The following LMX1B variants were observed in gnomAD, a reference collection of about 807,000 sequenced individuals.
The protein encoded by LMX1B is LIM homeobox transcription factor 1-beta.
A neutral mutation model predicts 51.4 loss-of-function variants in LMX1B; 12 were observed. That is an observed-to-expected ratio of 0.23 (90% CI 0.15 to 0.38). LMX1B has a LOEUF of 0.38. Among genes scored for constraint, LMX1B ranks in the 10% least tolerant of loss-of-function variants. The pLI, the probability that LMX1B is intolerant of heterozygous loss-of-function variation, is 1.00. For synonymous variants in LMX1B, 237 were observed against 235.4 expected (o/e 1.01, Z -0.06); for missense variants, 445 against 571.1 (o/e 0.78, Z 2.25).
intron 2 of LMX1B, among the ~76,000 whole-genome samples, chr9:126,676,144 C>T (rs1363306345): frequency 6.6e-6 from 1 of 152,188 alleles, no homozygotes; most frequent in Non-Finnish European, 1.5e-5. Context: ...GCTCCAGGCA[C>T]CCGCCCTTCC....
intron 2 of LMX1B, chr9:126,640,960 T>C (rs561512838): frequency 1.3e-5 from 2 of 152,432 alleles, no homozygotes; most frequent in East Asian, 3.9e-4. Flanking sequence ...GCAATTGTTC[T>C]GGACTTTCTA....
At chr9:126,643,153 G>A (rs1393746287) in intron 2 of LMX1B, among the ~76,000 whole-genome samples, 1 of 152,184 alleles carries the variant, frequency 6.6e-6, no homozygotes, top group African/African-American at 2.4e-5. Flanking sequence ...TGCACAGCTG[G>A]GGGCTAGGGG....
At chr9:126,656,369 G>A (rs1256179259) in intron 2 of LMX1B, among the ~76,000 whole-genome samples, 1 of 150,920 alleles carries the variant, frequency 6.6e-6, no homozygotes. Context: ...GGGCAACATA[G>A]TGAGATCTGG....
In LMX1B at chr9:126,696,016, A is replaced by ACCT; in HGVS notation, c.1051+15_1051+16insTCC. Reference sequence around the variant, plus strand: ...ATGAACCCCTATGGTAAGCCGCCCTACCCCCACCCGCCCGCCCCAGCACAG... The same window carrying ACCT: ...ATGAACCCCTATGGTAAGCCGCCCTACCTCCCCCACCCGCCCGCCCCAGCACAG... On this transcript the variant is annotated intron_variant, in intron 7 of 7. Coordinates refer to ENST00000373474, the MANE Select transcript of LMX1B (RefSeq NM_001174147.2). 2 of 1,512,700 alleles carry ACCT rather than the reference A, an allele frequency of 1.3e-6. No homozygotes were observed. The highest frequency in any genetic ancestry group is 1.8e-6 in the Non-Finnish European group (2 of 1,131,794). The allele number at this position is 1,512,700 out of a possible 1,614,324, so 93.7% of individuals were successfully genotyped here. A position where few individuals can be genotyped will look rare whatever the true frequency, so the allele number is the denominator to read the frequency against.
chr9:126,639,307 C>G (rs1181521372), intron 2 of LMX1B, among the ~76,000 whole-genome samples: 1 of 152,092 alleles, frequency 6.6e-6, no homozygotes, highest in African/African-American at 2.4e-5. Context: ...GGCCGGTCCC[C>G]GAGGGCTCGG....
In LMX1B at chr9:126,671,973, T is replaced by A. The variant is rs1432291633; in HGVS notation, c.327-18863T>A. Among the ~76,000 whole-genome samples the A allele has an allele frequency of 2.0e-5, 3 of 152,242 alleles. No homozygotes were observed. Among genetic ancestry groups the A allele is most frequent in the Admixed American group, 2.0e-4 (3 of 15,290 alleles). ...TCATCTTCCTTATTAAAAACCAGCC[T>A]TGATGCTCCCGAGCCCCAGCTGTGG... On this transcript the variant is annotated intron_variant, in intron 2 of 7. Coordinates refer to ENST00000373474, the MANE Select transcript of LMX1B (RefSeq NM_001174147.2). The surrounding 1 kb of genome is among the most constrained non-coding windows in gnomAD (Gnocchi z 4.4).
chr9:126,693,923 C>T (rs1482235273), intron 6 of LMX1B, 111 bp downstream of exon 6: 4 of 643,626 alleles, frequency 6.2e-6, no homozygotes, highest in South Asian at 1.8e-5. Context: ...TGAGCCTGGG[C>T]CAGGGCTGGG....
At position 126,661,518 on chromosome 9, in the gene LMX1B, G is replaced by A. The variant is rs1023005163; in HGVS notation, c.327-29318G>A. 7.2e-5 allele frequency among the ~76,000 whole-genome samples: 11 copies of A among 152,188 alleles called. No homozygotes were observed. The East Asian group carries it at 1.7e-3, about 24-fold the overall frequency. On this transcript the variant is annotated intron_variant, in intron 2 of 7. Coordinates refer to ENST00000373474, the MANE Select transcript of LMX1B (RefSeq NM_001174147.2). The stretch of plus-strand genomic sequence containing the variant: ...TCTGTTTGTGGGGCAGCAGGAGCAG[G>A]TTTAATGGGCCAGCCCCGGAGGCCA...
chr9:126,664,919 T>C (rs1483958619), intron 2 of LMX1B, among the ~76,000 whole-genome samples: 1 of 152,190 alleles, frequency 6.6e-6, no homozygotes, highest in African/African-American at 2.4e-5. Flanking sequence ...TTCCTGACCT[T>C]GACCAAAGTA....
Position 126,641,164 on chromosome 9 carries a change from GTCTGTGCAGGC to G in LMX1B, c.326+25598_326+25608del, listed in dbSNP as rs1248617313. The G allele has an allele frequency of 6.6e-6, 1 of 152,318 alleles. No homozygotes were observed. The highest frequency in any genetic ancestry group is 1.5e-5 in the Non-Finnish European group (1 of 68,110). 9.4% of individuals were successfully genotyped at this position (152,318 alleles called of 1,614,324 possible). On this transcript the variant is annotated intron_variant, in intron 2 of 7. Coordinates refer to ENST00000373474, the MANE Select transcript of LMX1B (RefSeq NM_001174147.2). The surrounding 1 kb of genome is among the most constrained non-coding windows in gnomAD (Gnocchi z 4.1). ...AAACAGCCTTGGGCCTTCTGGGGAG[GTCTGTGCAGGC>G]TCCTCTGGCCTGTAGGCCCCGAGTT... is the stretch of plus-strand genomic sequence containing the variant.
At chr9:126,616,018 G>A (rs546761076) in intron 2 of LMX1B, among the ~76,000 whole-genome samples, 16 of 152,338 alleles carry the variant, frequency 1.1e-4, no homozygotes, top group African/African-American at 3.6e-4. Flanking sequence ...GTGGAGTGCT[G>A]GGACACTGAA....
chr9:126,670,455 G>T (rs138998310), intron 2 of LMX1B, among the ~76,000 whole-genome samples: 298 of 152,360 alleles, frequency 2.0e-3, no homozygotes, highest in African/African-American at 6.9e-3. Flanking sequence ...TATGGGTGCA[G>T]ACGCGCTCAG....
chr9:126,615,627 C>A lies in LMX1B; in HGVS notation c.326+58C>A, dbSNP rs369330624. The A allele has an allele frequency of 4.7e-6, 7 of 1,490,050 alleles. No homozygotes were observed. In the East Asian group the frequency reaches 1.8e-4, roughly 38 times the overall value. The allele number at this position is 1,490,050 out of a possible 1,614,324, so 92.3% of individuals were successfully genotyped here. A position where few individuals can be genotyped will look rare whatever the true frequency, so the allele number is the denominator to read the frequency against. On this transcript the variant is annotated intron_variant, in intron 2 of 7. Coordinates refer to ENST00000373474, the MANE Select transcript of LMX1B (RefSeq NM_001174147.2). The surrounding 1 kb of genome is among the most constrained non-coding windows in gnomAD (Gnocchi z 6.0). ...GCCCGGCACTCGAGCCCGGTCAGCC[C>A]CCTGCCGGGCCCGGCCCGCGCCCGC...
intron 2 of LMX1B, among the ~76,000 whole-genome samples, chr9:126,676,591 G>A (rs541963502): frequency 1.3e-5 from 2 of 152,228 alleles, no homozygotes; most frequent in Admixed American, 1.3e-4. Context: ...CATGGACAAG[G>A]TACAGAGACC....
Position 126,673,349 on chromosome 9 carries a change from C to T in LMX1B, c.327-17487C>T, listed in dbSNP as rs970479947. On this transcript the variant is annotated intron_variant, in intron 2 of 7. Coordinates refer to ENST00000373474, the MANE Select transcript of LMX1B (RefSeq NM_001174147.2). The surrounding 1 kb of genome is among the most constrained non-coding windows in gnomAD (Gnocchi z 4.4). ...CGTGCTGCTGGCTGGACTTCCTGGG[C>T]GTCTGACACACCAGGCCCCACAAAC... is the stretch of plus-strand genomic sequence containing the variant. Among the ~76,000 whole-genome samples the T allele has an allele frequency of 5.3e-5, 8 of 152,100 alleles. No individual in the cohort carries two copies. The highest frequency in any genetic ancestry group is 1.4e-4 in the African/African-American group (6 of 41,412).
chr9:126,632,641 G>T (rs1440248778), intron 2 of LMX1B, among the ~76,000 whole-genome samples: 1 of 152,162 alleles, frequency 6.6e-6, no homozygotes, highest in Non-Finnish European at 1.5e-5. Flanking sequence ...TGGAGGTGAG[G>T]GTAGTTGCGG....
chr9:126,657,782 A>G (rs962195743), intron 2 of LMX1B, among the ~76,000 whole-genome samples: 6 of 152,248 alleles, frequency 3.9e-5, no homozygotes, highest in Admixed American at 3.9e-4. Context: ...TACCAAGATA[A>G]GTCAAGGAAC....
At chr9:126,621,464 G>T (rs1037462267) in intron 2 of LMX1B, among the ~76,000 whole-genome samples, 7 of 152,068 alleles carry the variant, frequency 4.6e-5, no homozygotes. Context: ...GTGAGAGAGG[G>T]CTAAGGCTGA....
intron 2 of LMX1B, among the ~76,000 whole-genome samples, chr9:126,663,632 G>A (rs927158093): frequency 3.3e-5 from 5 of 152,192 alleles, no homozygotes; most frequent in East Asian, 1.9e-4. Flanking sequence ...AGTGCCTGGC[G>A]CCTAATGACT....
Sources: gnomAD v4.1 joint callset for allele counts (sites outside exome capture counted in the v4.1 genomes callset) on GRCh38, gnomAD v4.1.1 for gene constraint, Gnocchi (gnomAD v3.1) non-coding constraint, MANE v1.5 for transcripts, NCBI Gene and HGNC (gene_info 2026-07-23, HGNC 2026-07-21) for gene names.